TWSG1: variants seen among roughly 807,000 people sequenced by gnomAD.
TWSG1 encodes the protein twisted gastrulation BMP signaling modulator 1, also known as twisted gastrulation protein homolog 1.
A neutral mutation model predicts 23.0 loss-of-function variants in TWSG1; 15 were observed. The ratio of observed to expected loss-of-function variants is 0.65; its 90% CI spans 0.44 to 1.00. The LOEUF (loss-of-function observed/expected upper bound fraction) is 1.00. TWSG1 is among the 50% of genes least tolerant of loss of function. The probability of loss-of-function intolerance (pLI) is 0.00; values close to 1 mark genes in which losing one functional copy is unlikely to be tolerated. For synonymous variants in TWSG1, 86 were observed against 92.8 expected, an observed-to-expected ratio of 0.93 and a Z score of 0.42; for missense variants, 242 against 278.7, an observed-to-expected ratio of 0.87 and a Z score of 0.94.
chr18:9,345,170 G>T (rs6506652), intron 2 of TWSG1, among the ~76,000 whole-genome samples: 101,460 of 152,108 alleles, frequency 0.67, 34,302 homozygotes, highest in Middle Eastern at 0.75. Context: ...TGCAAATATT[G>T]TCTCTCATTC....
rs1419431992 is a variant in TWSG1, at chr18:9,385,524, T to C, written c.224-10756T>C. Among the ~76,000 whole-genome samples, 3 of 78,460 alleles carry C rather than the reference T, an allele frequency of 3.8e-5. 1 individual carries two copies. The highest frequency in any genetic ancestry group is 7.7e-5 in the Non-Finnish European group (3 of 39,090). The allele number at this position is 78,460 out of a possible 152,430, so 51.5% of individuals were successfully genotyped here. A position where few individuals can be genotyped will look rare whatever the true frequency, so the allele number is the denominator to read the frequency against. ...TAACAAGGTGAAACCCCGTCTCTAC[T>C]AAAAAATACAAAAAATTAGCCGGGC... On this transcript the variant is annotated intron_variant, in intron 3 of 4. Transcript: ENST00000262120.
At chr18:9,388,285 G>A (rs759994957) in intron 3 of TWSG1, 1 of 152,194 alleles carries the variant, frequency 6.6e-6, no homozygotes, top group Non-Finnish European at 1.5e-5. Context: ...GGTTTTCACT[G>A]TTTTATGAAG....
chr18:9,344,616 C>T (rs1366720764), intron 2 of TWSG1, among the ~76,000 whole-genome samples: 1 of 149,992 alleles, frequency 6.7e-6, no homozygotes, highest in Non-Finnish European at 1.5e-5. Context: ...GCAACCTCAA[C>T]CTCCTGGACT....
At chr18:9,390,117 G>A (rs1342227733) in intron 3 of TWSG1, among the ~76,000 whole-genome samples, 1 of 152,050 alleles carries the variant, frequency 6.6e-6, no homozygotes, top group East Asian at 1.9e-4. Flanking sequence ...AATTGATCAG[G>A]CTGGTGGTTG....
chr18:9,398,783 CTGTTTT>C (rs1229115817), intron 4 of TWSG1, among the ~76,000 whole-genome samples: 1 of 152,026 alleles, frequency 6.6e-6, no homozygotes, highest in Non-Finnish European at 1.5e-5. Flanking sequence ...TGTTTGTTGT[CTGTTTT>C]TAACTTATGG....
chr18:9,393,870 T>A (rs961371957), intron 3 of TWSG1, among the ~76,000 whole-genome samples: 1 of 152,226 alleles, frequency 6.6e-6, no homozygotes, highest in African/African-American at 2.4e-5. Context: ...CTAAAATTAT[T>A]TTTTAATAAT....
Position 9,396,497 on chromosome 18 carries a change from T to C in TWSG1, c.441T>C (p.Asn147=), listed in dbSNP as rs1461409169. 1 of 1,614,062 alleles carries C rather than the reference T, an allele frequency of 6.2e-7. No homozygotes were observed. Among genetic ancestry groups the C allele is most frequent in the African/African-American group, 1.3e-5 (1 of 75,054 alleles). Residue 147 remains asparagine, a synonymous_variant, in exon 4 of 5, where the codon AAT becomes AAC. Transcript: ENST00000262120. ...CTGTGAACCAGCCACACCACCAGAA[T>C]GTGTCTGTCCCCAGCAATAATGTTC... ...LETVNQPHHQ[N]VSVPSNNVHA...
intron 2 of TWSG1, among the ~76,000 whole-genome samples, chr18:9,344,205 C>T (rs1415083796): frequency 6.6e-6 from 1 of 152,110 alleles, no homozygotes; most frequent in Non-Finnish European, 1.5e-5. Context: ...TACAGACAAC[C>T]CTGGATGTAT....
rs146737128 is a variant in TWSG1, at chr18:9,336,148, T to G, written c.-37-1045T>G. 3.4e-3 allele frequency among the ~76,000 whole-genome samples: 513 copies of G among 152,196 alleles called. 3 individuals carry two copies. The highest frequency in any genetic ancestry group is 4.8e-3 in the Admixed American group (74 of 15,270). On this transcript the variant is annotated intron_variant, in intron 1 of 4. Coordinates refer to ENST00000262120, the MANE Select transcript of TWSG1 (RefSeq NM_020648.6). ...TAGCTCACCCCTGTAATCCCACACT[T>G]TGGGAGGCCGAGGCGGGTGGATCAC...
At chr18:9,361,367 A>G (rs1333379195) in intron 3 of TWSG1, among the ~76,000 whole-genome samples, 2 of 152,056 alleles carry the variant, frequency 1.3e-5, no homozygotes, top group Non-Finnish European at 1.5e-5. Context: ...TACTCCTTGC[A>G]TGATTTCCAT....
intron 4 of TWSG1, 78 bp downstream of exon 4, chr18:9,396,624 A>G: frequency 6.6e-7 from 1 of 1,512,746 alleles, no homozygotes; most frequent in Non-Finnish European, 8.8e-7. Flanking sequence ...CCTATATAAG[A>G]CCATCTTTTG....
chr18:9,345,565 C>G (rs1018079516), intron 2 of TWSG1, among the ~76,000 whole-genome samples: 1 of 152,134 alleles, frequency 6.6e-6, no homozygotes, highest in Non-Finnish European at 1.5e-5. Flanking sequence ...AACCATTTCA[C>G]CATAAACGGT....
chr18:9,369,430 G>A (rs2040594670), intron 3 of TWSG1, among the ~76,000 whole-genome samples: 1 of 151,754 alleles, frequency 6.6e-6, no homozygotes, highest in African/African-American at 2.4e-5. Flanking sequence ...CACCACGCCT[G>A]GCTAATTTTT....
intron 3 of TWSG1, among the ~76,000 whole-genome samples, chr18:9,382,181 G>A (rs2040659910): frequency 6.7e-6 from 1 of 150,116 alleles, no homozygotes. Context: ...TCTAACTTTT[G>A]GGAAAGTTAA....
intron 2 of TWSG1, among the ~76,000 whole-genome samples, chr18:9,347,792 C>G (rs1412515444): frequency 6.6e-6 from 1 of 151,818 alleles, no homozygotes; most frequent in East Asian, 1.9e-4. Context: ...TTATTTATTG[C>G]TTGTTAATTT....
intron 2 of TWSG1, among the ~76,000 whole-genome samples, chr18:9,357,041 A>AAAATGT (rs2040530330): frequency 6.6e-6 from 1 of 151,732 alleles, no homozygotes; most frequent in Admixed American, 6.6e-5. Flanking sequence ...GCGTACTCAG[A>AAAATGT]AAATGTTCTT....
intron 3 of TWSG1, among the ~76,000 whole-genome samples, chr18:9,366,869 G>A (rs1445098445): frequency 6.6e-6 from 1 of 152,088 alleles, no homozygotes; most frequent in African/African-American, 2.4e-5. Flanking sequence ...TTGTGGAATG[G>A]CTACATAGAG....
Position 9,400,613 on chromosome 18 carries a change from A to G in TWSG1, c.*1086A>G, listed in dbSNP as rs2040758784. On this transcript the variant is annotated 3_prime_UTR_variant, in exon 5 of 5. Coordinates refer to ENST00000262120, the MANE Select transcript of TWSG1 (RefSeq NM_020648.6). ...AAACTATCTATGTTCATATTTTGTA[A>G]TATTTCATTTGTTAAGTTTATATCT... is the stretch of plus-strand genomic sequence containing the variant. The G allele has an allele frequency of 6.6e-6, 1 of 152,234 alleles. No individual in the cohort carries two copies. Among genetic ancestry groups the G allele is most frequent in the Admixed American group, 6.5e-5 (1 of 15,270 alleles). The allele number at this position is 152,234 out of a possible 1,614,324, so 9.4% of individuals were successfully genotyped here. A position where few individuals can be genotyped will look rare whatever the true frequency, so the allele number is the denominator to read the frequency against.
At chr18:9,387,699 G>A (rs774334698) in intron 3 of TWSG1, among the ~76,000 whole-genome samples, 13 of 151,596 alleles carry the variant, frequency 8.6e-5, no homozygotes, top group Non-Finnish European at 7.4e-5. Context: ...GAACCCAGGA[G>A]GCAGAGGCTG....
Sources: gnomAD v4.1 joint callset for allele counts (sites outside exome capture counted in the v4.1 genomes callset) on GRCh38, gnomAD v4.1.1 for gene constraint, MANE v1.5 for transcripts, NCBI Gene and HGNC (gene_info 2026-07-23, HGNC 2026-07-21) for gene names.